The following TEAD1 variants were observed in gnomAD, a reference collection of about 807,000 sequenced individuals.
TEAD1 encodes the protein TEA domain transcription factor 1.
Under a neutral mutation model 54.9 loss-of-function variants are expected in TEAD1, and 9 were observed. The ratio of observed to expected loss-of-function variants is 0.16; its 90% CI spans 0.10 to 0.29. TEAD1 has a LOEUF of 0.29. Ranked by LOEUF, TEAD1 falls within the 10% of genes least tolerant of loss-of-function variation. The probability of loss-of-function intolerance (pLI) is 1.00; values close to 1 mark genes in which losing one functional copy is unlikely to be tolerated. For synonymous variants in TEAD1, 200 were observed against 187.8 expected, an observed-to-expected ratio of 1.07 and a Z score of -0.53; for missense variants, 387 against 535.9, an observed-to-expected ratio of 0.72 and a Z score of 2.74.
At chr11:12,751,139 A>G (rs960333457) in intron 2 of TEAD1, among the ~76,000 whole-genome samples, 1 of 152,046 alleles carries the variant, frequency 6.6e-6, no homozygotes, top group African/African-American at 2.4e-5. Context: ...AGTGAGGCCA[A>G]AAAACCGAAA....
chr11:12,764,208 C>T lies in TEAD1; in HGVS notation c.-25C>T, dbSNP rs555871668. The T allele has an allele frequency of 1.5e-5, 24 of 1,610,068 alleles. No homozygotes were observed. The highest frequency in any genetic ancestry group is 7.7e-5 in the South Asian group (7 of 90,490). ...ATTTTCTTGAAAAGGCTCCAGGCTT[C>T]GGCTTGGAAAATCCCACCGCCAAAA... On this transcript the variant is annotated 5_prime_UTR_variant, in exon 3 of 13. Transcript: ENST00000527636.
chr11:12,861,802 C>G (rs1312054669), intron 3 of TEAD1, among the ~76,000 whole-genome samples: 1 of 152,096 alleles, frequency 6.6e-6, no homozygotes, highest in Non-Finnish European at 1.5e-5. Context: ...GCCTGACCAA[C>G]ATGGAGAAAC....
chr11:12,745,699 C>T (rs1378549988), intron 2 of TEAD1, among the ~76,000 whole-genome samples: 1 of 149,236 alleles, frequency 6.7e-6, no homozygotes, highest in Non-Finnish European at 1.5e-5. Context: ...TCAATAACTG[C>T]AAAATAAGGT....
rs544552145 is a variant in TEAD1 at position 12,866,401 on chromosome 11, A to G, written c.330+1501A>G. ...CACACAGCCTTAGACTGAAAGCCCTATAAGTGAGGAATAAAGCTCTTCTGT... is the reference window on the plus strand; with the variant it reads ...CACACAGCCTTAGACTGAAAGCCCTGTAAGTGAGGAATAAAGCTCTTCTGT... On this transcript the variant is annotated intron_variant, in intron 5 of 12. Transcript: ENST00000527636. Among the ~76,000 whole-genome samples, 19 of 152,334 alleles carry G rather than the reference A, an allele frequency of 1.2e-4. 1 individual carries two copies. The highest frequency in any genetic ancestry group is 3.9e-4 in the East Asian group (2 of 5,184).
At chr11:12,861,488 C>T (rs376303032) in intron 3 of TEAD1, among the ~76,000 whole-genome samples, 1 of 152,160 alleles carries the variant, frequency 6.6e-6, no homozygotes, top group African/African-American at 2.4e-5. Flanking sequence ...CGTTCGTTCT[C>T]TTGTGGCTGT....
At position 12,859,521 on chromosome 11, in the gene TEAD1, G is replaced by C. The variant is rs544367243; in HGVS notation, c.203-2729G>C. On this transcript the variant is annotated intron_variant, in intron 3 of 12. Transcript: ENST00000527636. The stretch of plus-strand genomic sequence containing the variant: ...CTCCTAGCTGGGCTCTGTTGTCAGC[G>C]AGCCTTCAAGACAAATTGCAAAATC... Among the ~76,000 whole-genome samples, 28 of 152,304 alleles carry C rather than the reference G, an allele frequency of 1.8e-4. No homozygotes were observed. The South Asian group carries it at 4.6e-3, about 25-fold the overall frequency.
chr11:12,707,064 A>T (rs919580344), intron 2 of TEAD1, among the ~76,000 whole-genome samples: 28 of 148,706 alleles, frequency 1.9e-4, no homozygotes, highest in African/African-American at 7.0e-4. Flanking sequence ...ATTGATGGCC[A>T]GTTGGAGATT....
intron 9 of TEAD1, among the ~76,000 whole-genome samples, chr11:12,883,475 A>G (rs1416165562): frequency 2.0e-5 from 3 of 152,136 alleles, no homozygotes; most frequent in Non-Finnish European, 4.4e-5. Context: ...ATGCAGAGTT[A>G]TTTAGATATA....
intron 2 of TEAD1, among the ~76,000 whole-genome samples, chr11:12,677,529 G>GT (rs1302589293): frequency 2.0e-5 from 3 of 152,068 alleles, no homozygotes; most frequent in African/African-American, 7.2e-5. Context: ...AAATGTTCGA[G>GT]TTTTTTTCCC....
Position 12,883,071 on chromosome 11 carries a change from G to C in TEAD1, c.645G>C (p.Lys215Asn). 1 of 1,614,214 alleles carries C rather than the reference G, an allele frequency of 6.2e-7. No homozygotes were observed. The change falls in exon 9 of 13, where the codon AAG (lysine) becomes AAC (asparagine). Residue 215 changes from lysine to asparagine, a missense_variant. Lys to Asn is a moderately conservative substitution (Grantham distance 94, BLOSUM62 0). Around this residue, in one of 5 missense-constraint regions of TEAD1, gnomAD observed 180 missense variants for 180.6 expected, o/e 1.00. Transcript: ENST00000527636. ...AAGGTCGCTCCATTGGCACAACCAA[G>C]CTTCGCCTGGTGGAATTTTCAGCTT...
At chr11:12,737,626 T>A (rs73423608) in intron 2 of TEAD1, among the ~76,000 whole-genome samples, 4,472 of 152,332 alleles carry the variant, frequency 0.029, 235 homozygotes, top group African/African-American at 0.1. Context: ...GCTTACAGCT[T>A]GTGGGGCTCA....
At chr11:12,856,668 T>C (rs1399837929) in intron 3 of TEAD1, among the ~76,000 whole-genome samples, 1 of 152,212 alleles carries the variant, frequency 6.6e-6, no homozygotes, top group African/African-American at 2.4e-5. Flanking sequence ...ATGAGTTTTC[T>C]TTCTGATTTT....
chr11:12,695,271 G>C (rs1318947012), intron 2 of TEAD1, among the ~76,000 whole-genome samples: 2 of 152,240 alleles, frequency 1.3e-5, no homozygotes, highest in African/African-American at 4.8e-5. Flanking sequence ...TGGTTCTCCA[G>C]ATTTCAGGCT....
intron 5 of TEAD1, among the ~76,000 whole-genome samples, chr11:12,877,840 G>T (rs1316813976): frequency 2.1e-5 from 3 of 143,240 alleles, no homozygotes; most frequent in Non-Finnish European, 4.5e-5. Flanking sequence ...TACTGCCCAG[G>T]CTTGAGTGCA....
chr11:12,924,926 C>G lies in TEAD1; in HGVS notation c.888C>G (p.Cys296Trp), dbSNP rs1163290197. 6.2e-7 allele frequency: 1 copy of G among 1,614,026 alleles called. No homozygotes were observed. Among genetic ancestry groups the G allele is most frequent in the Non-Finnish European group, 8.5e-7 (1 of 1,180,028 alleles). ...CTTTCCAACAGGCTGATTTAAACTG[C>G]AATATTCAAGATGATGCTGGGGCTT... Residue 296 changes from cysteine (C) to tryptophan (W), a missense_variant, in exon 11 of 13, where the codon TGC (cysteine) becomes TGG (tryptophan). Cys to Trp is a radical substitution (Grantham distance 215). Coordinates refer to ENST00000527636, the MANE Select transcript of TEAD1 (RefSeq NM_021961.6).
chr11:12,924,365 T>A (rs576049821), intron 10 of TEAD1, among the ~76,000 whole-genome samples: 1 of 152,376 alleles, frequency 6.6e-6, no homozygotes, highest in South Asian at 2.1e-4. Flanking sequence ...TTGTCTAGCA[T>A]GAACCTTTCA....
rs1023841986 is a variant in TEAD1 at position 12,919,662 on chromosome 11, TA to T, written c.874-5238del. On this transcript the variant is annotated intron_variant, in intron 10 of 12. Transcript: ENST00000527636. Reference sequence around the variant, plus strand: ...GCACATGCCACCATGTCCGGCTAATTAAAAAAAAAAAATTATTTGTAGAGAT... The same window carrying T: ...GCACATGCCACCATGTCCGGCTAATTAAAAAAAAAAATTATTTGTAGAGAT... Among the ~76,000 whole-genome samples the T allele has an allele frequency of 6.1e-4, 90 of 146,800 alleles. 1 individual carries two copies. Among genetic ancestry groups the T allele is most frequent in the Admixed American group, 1.1e-3 (16 of 14,688 alleles).
At chr11:12,769,866 T>G (rs147249093) in intron 3 of TEAD1, among the ~76,000 whole-genome samples, 1 of 152,194 alleles carries the variant, frequency 6.6e-6, no homozygotes, top group Non-Finnish European at 1.5e-5. Flanking sequence ...AAGGTGTCAG[T>G]AATGTTTGCT....
At chr11:12,850,778 CT>C (rs1188496348) in intron 3 of TEAD1, among the ~76,000 whole-genome samples, 1 of 152,150 alleles carries the variant, frequency 6.6e-6, no homozygotes, top group Non-Finnish European at 1.5e-5. Context: ...AAATAGAGTG[CT>C]TTTAGCAAAC....
Sources: allele counts gnomAD v4.1 joint callset (sites outside exome capture counted in the v4.1 genomes callset), GRCh38; gene constraint gnomAD v4.1.1; regional missense constraint gnomAD v4.1.1; transcripts MANE v1.5; gene names NCBI Gene and HGNC (gene_info 2026-07-23, HGNC 2026-07-21).